The following VPS13D variants were observed in gnomAD, a reference collection of about 807,000 sequenced individuals.
VPS13D encodes the protein intermembrane lipid transfer protein VPS13D.
A neutral mutation model predicts 461.9 loss-of-function variants in VPS13D; 187 were observed. That is an observed-to-expected ratio of 0.40 (90% CI 0.36 to 0.46). The LOEUF (loss-of-function observed/expected upper bound fraction) is 0.46. VPS13D is among the 20% of genes least tolerant of loss of function. VPS13D has a pLI of 0.60. For missense variants in VPS13D, 4,711 were observed against 5,364.9 expected (o/e 0.88, Z 3.81); for synonymous variants, 1,951 against 1,986.3 (o/e 0.98, Z 0.47).
At chr1:12,498,825 G>A (rs957051582) in intron 68 of VPS13D, among the ~76,000 whole-genome samples, 3 of 152,134 alleles carry the variant, frequency 2.0e-5, no homozygotes, top group Non-Finnish European at 4.4e-5. Flanking sequence ...GAGCTCTCTG[G>A]TGTCTCTTAT....
rs1570282626 is a variant in VPS13D at position 12,495,298 on chromosome 1, C to T, written c.12663-2202C>T. Reference sequence around the variant, plus strand: ...CTGAATAGCTGGGACTACAGGCGCCCGCCACTCCCCCGCCCACCCCAGCTA... The same window carrying T: ...CTGAATAGCTGGGACTACAGGCGCCTGCCACTCCCCCGCCCACCCCAGCTA... On this transcript the variant is annotated intron_variant, in intron 67 of 69. Transcript: ENST00000620676. This position sits in a 1 kb window ranked among gnomAD's most constrained non-coding sequence, Gnocchi z 4.0. 6.6e-6 allele frequency among the ~76,000 whole-genome samples: 1 copy of T among 151,896 alleles called. No individual in the cohort carries two copies. Among genetic ancestry groups the T allele is most frequent in the Admixed American group, 6.6e-5 (1 of 15,252 alleles).
At chr1:12,239,818 T>C (rs1640286068) in intron 2 of VPS13D, among the ~76,000 whole-genome samples, 1 of 152,162 alleles carries the variant, frequency 6.6e-6, no homozygotes, top group Admixed American at 6.6e-5. Flanking sequence ...TGAGGAGTTT[T>C]TGGATGAGAC....
At chr1:12,349,040 T>C in intron 45 of VPS13D, 67 bp downstream of exon 45, 2 of 1,610,296 alleles carry the variant, frequency 1.2e-6, no homozygotes, top group Non-Finnish European at 1.7e-6. Flanking sequence ...TCAAGTCTCT[T>C]TTTCCCCAGT....
chr1:12,411,194 G>A (rs1022171808), intron 63 of VPS13D, among the ~76,000 whole-genome samples: 4 of 152,192 alleles, frequency 2.6e-5, no homozygotes, highest in Non-Finnish European at 5.9e-5. Flanking sequence ...TAGAAAACAC[G>A]ATCGTTTACT....
intron 65 of VPS13D, among the ~76,000 whole-genome samples, chr1:12,426,091 G>T (rs1175752358): frequency 6.6e-6 from 1 of 152,228 alleles, no homozygotes; most frequent in Non-Finnish European, 1.5e-5. Flanking sequence ...CTAATCTAGT[G>T]TAAAAGGGTT....
At chr1:12,288,830 C>G (rs149168452) in intron 22 of VPS13D, among the ~76,000 whole-genome samples, 1 of 151,998 alleles carries the variant, frequency 6.6e-6, no homozygotes, top group Non-Finnish European at 1.5e-5. Context: ...GACATTGTAG[C>G]AAAGCTGGCA....
At chr1:12,292,782 G>A (rs1165759087) in intron 23 of VPS13D, among the ~76,000 whole-genome samples, 1 of 152,088 alleles carries the variant, frequency 6.6e-6, no homozygotes, top group Non-Finnish European at 1.5e-5. Flanking sequence ...AACCAAGGTT[G>A]AGAAAAACTG....
chr1:12,449,777 G>A (rs1645238344), intron 65 of VPS13D, among the ~76,000 whole-genome samples: 1 of 151,994 alleles, frequency 6.6e-6, no homozygotes, highest in Non-Finnish European at 1.5e-5. Context: ...AAAAAGTGTT[G>A]GCCAAATGCT....
rs371369329 is a variant in VPS13D at position 12,339,953 on chromosome 1, G to A, written c.8626+1648G>A. 3.9e-5 allele frequency among the ~76,000 whole-genome samples: 6 copies of A among 152,310 alleles called. No homozygotes were observed. In the East Asian group the frequency reaches 9.6e-4, roughly 24 times the overall value. ...TCTAATTTGCAAATGGAAACTTACAGTCTGGCTCACAGTGGGATATGAAAG... is the reference window on the plus strand; with the variant it reads ...TCTAATTTGCAAATGGAAACTTACAATCTGGCTCACAGTGGGATATGAAAG... On this transcript the variant is annotated intron_variant, in intron 40 of 69. Transcript: ENST00000620676.
chr1:12,464,168 C>T (rs1212639571), intron 67 of VPS13D, among the ~76,000 whole-genome samples: 10 of 152,146 alleles, frequency 6.6e-5, no homozygotes, highest in African/African-American at 1.7e-4. Flanking sequence ...CCAACCATCC[C>T]GGTTGATTGA....
At position 12,279,557 on chromosome 1, in the gene VPS13D, G is replaced by A. The variant is rs755006898; in HGVS notation, c.4509G>A (p.Glu1503=). The A allele has an allele frequency of 1.2e-6, 2 of 1,613,406 alleles. No homozygotes were observed. Among genetic ancestry groups the A allele is most frequent in the South Asian group, 1.1e-5 (1 of 90,988 alleles). The change falls in exon 20 of 70, where the codon GAG becomes GAA. Residue 1503 remains glutamate, a synonymous_variant. Transcript: ENST00000620676. This position sits in a 1 kb window ranked among gnomAD's most constrained non-coding sequence, Gnocchi z 4.3. ...IQFKLEKIPI[E]RESELTFSLS... ...TTAAACTGGAGAAGATCCCTATAGA[G>A]AGAGAATCTGAATTGACTTTTTCTC...
chr1:12,286,006 T>C (rs1238718029), intron 21 of VPS13D, among the ~76,000 whole-genome samples: 1 of 144,084 alleles, frequency 6.9e-6, no homozygotes, highest in Admixed American at 7.1e-5. Flanking sequence ...TCCTCTCCTC[T>C]CCTCTCCTCT....
intron 61 of VPS13D, among the ~76,000 whole-genome samples, chr1:12,401,095 C>T (rs1032964826): frequency 6.6e-6 from 1 of 152,098 alleles, no homozygotes; most frequent in Non-Finnish European, 1.5e-5. Context: ...TTACCAAAAG[C>T]AGATAGTTAC....
At chr1:12,427,182 A>C (rs1644933626) in intron 65 of VPS13D, among the ~76,000 whole-genome samples, 1 of 151,108 alleles carries the variant, frequency 6.6e-6, no homozygotes. Flanking sequence ...AAGCATTTAG[A>C]TATCTTTGAT....
At position 12,267,841 on chromosome 1, in the gene VPS13D, A is replaced by G; in HGVS notation, c.1726-4A>G. ...TTACGCATTTTTGTGTGTTTGTTTA[A>G]TAGCAAAAAGAAGTTGGCAGAGTCT... On this transcript the variant is annotated splice_region_variant and splice_polypyrimidine_tract_variant and intron_variant, in intron 14 of 69. Coordinates refer to ENST00000620676, the MANE Select transcript of VPS13D (RefSeq NM_015378.4). The G allele has an allele frequency of 6.2e-7, 1 of 1,614,052 alleles. No individual in the cohort carries two copies.
chr1:12,445,666 C>T (rs1356624730), intron 65 of VPS13D, among the ~76,000 whole-genome samples: 2 of 152,132 alleles, frequency 1.3e-5, no homozygotes, highest in Non-Finnish European at 2.9e-5. Context: ...AGCTAAGCTG[C>T]AAGTTTATTC....
At position 12,276,379 on chromosome 1, in the gene VPS13D, G is replaced by A. The variant is rs766919272; in HGVS notation, c.2791G>A (p.Val931Ile). The change falls in exon 19 of 70, where the codon GTA becomes ATA. Residue 931 changes from valine (V) to isoleucine (I), a missense_variant. Transcript: ENST00000620676. This position sits in a 1 kb window ranked among gnomAD's most constrained non-coding sequence, Gnocchi z 4.5. ...EEQRGSLQDS[V>I]MNLTQSIVLL... is the part of the protein sequence containing the mutation. ...GCAGCGGGGAAGTTTGCAAGACTCCGTAATGAATTTAACCCAGAGCATTGT... is the reference window on the plus strand; with the variant it reads ...GCAGCGGGGAAGTTTGCAAGACTCCATAATGAATTTAACCCAGAGCATTGT... 2.0e-5 allele frequency: 32 copies of A among 1,614,032 alleles called. No homozygotes were observed. Among genetic ancestry groups the A allele is most frequent in the Middle Eastern group, 1.6e-4 (1 of 6,084 alleles).
rs115785762 is a variant in VPS13D, at chr1:12,371,318, T to G, written c.10808+1616T>G. 1.7e-3 allele frequency among the ~76,000 whole-genome samples: 263 copies of G among 152,282 alleles called. 2 individuals carry two copies. The highest frequency in any genetic ancestry group is 5.8e-3 in the African/African-American group (240 of 41,556). The stretch of plus-strand genomic sequence containing the variant: ...ATGGAATCATAGGAGTGATCTTTTT[T>G]GTCTGGATTCTTTCACTTAGCATAA... On this transcript the variant is annotated intron_variant, in intron 54 of 69. Coordinates refer to ENST00000620676, the MANE Select transcript of VPS13D (RefSeq NM_015378.4).
At chr1:12,410,963 T>G (rs1407342252) in intron 63 of VPS13D, among the ~76,000 whole-genome samples, 1 of 152,248 alleles carries the variant, frequency 6.6e-6, no homozygotes, top group Non-Finnish European at 1.5e-5. Flanking sequence ...ATAACTGCTT[T>G]CATCTGTTTA....
Sources: gnomAD v4.1 joint callset for allele counts (sites outside exome capture counted in the v4.1 genomes callset) on GRCh38, gnomAD v4.1.1 for gene constraint, Gnocchi (gnomAD v3.1) non-coding constraint, MANE v1.5 for transcripts, NCBI Gene and HGNC (gene_info 2026-07-23, HGNC 2026-07-21) for gene names.